Variants in KIAA0408 observed in about 807,000 individuals in gnomAD.
KIAA0408 encodes uncharacterized protein KIAA0408.
A neutral mutation model predicts 60.9 loss-of-function variants in KIAA0408; 51 were observed. The ratio of observed to expected loss-of-function variants is 0.84; its 90% CI spans 0.67 to 1.06. The LOEUF (loss-of-function observed/expected upper bound fraction) is 1.06, where lower values mean the gene tolerates loss of function less well. Among genes scored for constraint, KIAA0408 ranks in the 50% least tolerant of loss-of-function variants. KIAA0408 has a pLI of 0.00. For missense variants in KIAA0408, 787 were observed against 833.9 expected (o/e 0.94, Z 0.69); for synonymous variants, 304 against 282.4 (o/e 1.08, Z -0.77).
rs1773447649 is a variant in KIAA0408, at chr6:127,459,264, A to T, written c.-210T>A. ...GGATGGCTAGCTGTCTTAAAGAGAA[A>T]AGTCTCAGCTCGGTGAATCTCGATT... On this transcript the variant is annotated 5_prime_UTR_variant, in exon 1 of 6. Coordinates refer to ENST00000483725, the MANE Select transcript of KIAA0408 (RefSeq NM_014702.5). 1.3e-5 allele frequency: 2 copies of T among 152,262 alleles called. No homozygotes were observed. The highest frequency in any genetic ancestry group is 3.8e-4 in the East Asian group (2 of 5,202). The allele number at this position is 152,262 out of a possible 1,614,324, so 9.4% of individuals were successfully genotyped here.
Position 127,439,690 on chromosome 6 carries a change from A to G in KIAA0408, c.*4419T>C, listed in dbSNP as rs1465290410. On this transcript the variant is annotated 3_prime_UTR_variant, in exon 6 of 6. Coordinates refer to ENST00000483725, the MANE Select transcript of KIAA0408 (RefSeq NM_014702.5). ...GCCTGAGCTAGGAGTCTGAAGAGCCATCTATTTAACTATCATCTTCAAAAA... is the reference window on the plus strand; with the variant it reads ...GCCTGAGCTAGGAGTCTGAAGAGCCGTCTATTTAACTATCATCTTCAAAAA... The G allele has an allele frequency of 2.0e-5, 3 of 152,056 alleles. No homozygotes were observed. The highest frequency in any genetic ancestry group is 6.5e-5 in the Admixed American group (1 of 15,274). The allele number at this position is 152,056 out of a possible 1,614,324, so 9.4% of individuals were successfully genotyped here. A position where few individuals can be genotyped will look rare whatever the true frequency, so the allele number is the denominator to read the frequency against.
At position 127,443,075 on chromosome 6, in the gene KIAA0408, CTT is replaced by C. The variant is rs1773131443; in HGVS notation, c.*1032_*1033del. ...ATCTTCCTTGTTAGTAAAAAAGTAA[CTT>C]AGTTTGTTATCTATTAATTTTAAGG... On this transcript the variant is annotated 3_prime_UTR_variant, in exon 6 of 6. Coordinates refer to ENST00000483725, the MANE Select transcript of KIAA0408 (RefSeq NM_014702.5). The C allele has an allele frequency of 6.6e-6, 1 of 151,812 alleles. No individual in the cohort carries two copies. Among genetic ancestry groups the C allele is most frequent in the Non-Finnish European group, 1.5e-5 (1 of 67,948 alleles). 9.4% of individuals were successfully genotyped at this position (151,812 alleles called of 1,614,324 possible).
intron 4 of KIAA0408, among the ~76,000 whole-genome samples, chr6:127,448,399 A>T (rs1773241939): frequency 6.6e-6 from 1 of 152,180 alleles, no homozygotes; most frequent in Admixed American, 6.6e-5. Flanking sequence ...TGGGGAGGAT[A>T]ATGAAAAATG....
chr6:127,453,945 T>C lies in KIAA0408; in HGVS notation c.37A>G (p.Asn13Asp). The C allele has an allele frequency of 6.2e-7, 1 of 1,613,038 alleles. No individual in the cohort carries two copies. The highest frequency in any genetic ancestry group is 8.5e-7 in the Non-Finnish European group (1 of 1,179,242). ...LHKQWENTET[N>D]WHKEKMELLD... ...AATTCCATCTTTTCCTTATGCCAGT[T>C]AGTCTCTGTGTTCTCCCACTGCTTA... The change falls in exon 2 of 6, where the codon AAC (asparagine) becomes GAC (aspartate). Residue 13 changes from asparagine (N) to aspartate (D), a missense_variant. Transcript: ENST00000483725.
chr6:127,451,584 C>T (rs1773303617), intron 2 of KIAA0408, among the ~76,000 whole-genome samples: 1 of 152,048 alleles, frequency 6.6e-6, no homozygotes, highest in Admixed American at 6.6e-5. Flanking sequence ...AACAAAATTG[C>T]TTTAGTTGCA....
intron 2 of KIAA0408, among the ~76,000 whole-genome samples, chr6:127,452,169 T>C (rs1773312970): frequency 1.3e-5 from 2 of 152,182 alleles, no homozygotes; most frequent in Admixed American, 6.5e-5. Flanking sequence ...ACTGAAGATA[T>C]ATGTGCATAC....
chr6:127,457,169 A>G (rs940687312), intron 1 of KIAA0408, among the ~76,000 whole-genome samples: 2 of 152,208 alleles, frequency 1.3e-5, no homozygotes, highest in African/African-American at 4.8e-5. Flanking sequence ...GTTAATAAAA[A>G]TGTGAACAAA....
Position 127,449,878 on chromosome 6 carries a change from C to A in KIAA0408, c.522G>T (p.Val174=). 1 of 1,614,070 alleles carries A rather than the reference C, an allele frequency of 6.2e-7. No homozygotes were observed. Among genetic ancestry groups the A allele is most frequent in the Admixed American group, 1.7e-5 (1 of 60,010 alleles). ...LSTALEELAK[V]SEELCSFQEE... is the part of the protein sequence containing the mutation. ...CTTGAAAGCTGCATAATTCTTCACT[C>A]ACCTTCGCAAGTTCTTCAAGAGCCT... The change falls in exon 4 of 6, where the codon GTG becomes GTT. Residue 174 remains valine (V), a synonymous_variant. Coordinates refer to ENST00000483725, the MANE Select transcript of KIAA0408 (RefSeq NM_014702.5).
chr6:127,444,770 A>G (rs1158449518), intron 5 of KIAA0408, among the ~76,000 whole-genome samples: 1 of 151,824 alleles, frequency 6.6e-6, no homozygotes, highest in Non-Finnish European at 1.5e-5. Flanking sequence ...TTTTTTCACT[A>G]TCACTGGCAC....
chr6:127,443,615 A>C lies in KIAA0408; in HGVS notation c.*494T>G, dbSNP rs1773139931. Reference sequence around the variant, plus strand: ...AGTGGTCAATTAATATTTGTACTGCAAATGCCTTAAGTGGATACCTATTAA... The same window carrying C: ...AGTGGTCAATTAATATTTGTACTGCCAATGCCTTAAGTGGATACCTATTAA... On this transcript the variant is annotated 3_prime_UTR_variant, in exon 6 of 6. Transcript: ENST00000483725. The C allele has an allele frequency of 6.6e-6, 1 of 152,578 alleles. No homozygotes were observed. The highest frequency in any genetic ancestry group is 1.5e-5 in the Non-Finnish European group (1 of 68,280). 9.5% of individuals were successfully genotyped at this position (152,578 alleles called of 1,614,324 possible).
At chr6:127,456,391 A>G (rs1461246159) in intron 1 of KIAA0408, among the ~76,000 whole-genome samples, 1 of 152,140 alleles carries the variant, frequency 6.6e-6, no homozygotes, top group Non-Finnish European at 1.5e-5. Context: ...GAAAGATGCC[A>G]GGCCTTTCTC....
intron 1 of KIAA0408, among the ~76,000 whole-genome samples, chr6:127,456,962 CCTTTCTCCTCT>C (rs1465005549): frequency 6.6e-6 from 1 of 151,958 alleles, no homozygotes; most frequent in Non-Finnish European, 1.5e-5. Flanking sequence ...TCCCTCCTTC[CCTTTCTCCTCT>C]CTTTCTCCAT....
chr6:127,453,090 T>A (rs1471796758), intron 2 of KIAA0408, among the ~76,000 whole-genome samples: 1 of 152,078 alleles, frequency 6.6e-6, no homozygotes, highest in East Asian at 1.9e-4. Context: ...ACTTTGGTAA[T>A]GTGCATAAAA....
chr6:127,443,361 C>A lies in KIAA0408; in HGVS notation c.*748G>T, dbSNP rs1168278091. The A allele has an allele frequency of 6.6e-6, 1 of 152,128 alleles. No individual in the cohort carries two copies. The highest frequency in any genetic ancestry group is 1.5e-5 in the Non-Finnish European group (1 of 67,998). 9.4% of individuals were successfully genotyped at this position (152,128 alleles called of 1,614,324 possible). Reference sequence around the variant, plus strand: ...GATCAAATATTCAGTTAAAGCCATACTAGACTACCAAATAATATATAAAAC... The same window carrying A: ...GATCAAATATTCAGTTAAAGCCATAATAGACTACCAAATAATATATAAAAC... On this transcript the variant is annotated 3_prime_UTR_variant, in exon 6 of 6. Coordinates refer to ENST00000483725, the MANE Select transcript of KIAA0408 (RefSeq NM_014702.5).
intron 2 of KIAA0408, 192 bp from the exon 3 acceptor site, chr6:127,450,544 G>C: frequency 1.1e-6 from 1 of 881,318 alleles, no homozygotes; most frequent in Non-Finnish European, 1.6e-6. Flanking sequence ...GAAACATAAA[G>C]GCTACTTTTA....
chr6:127,446,466 G>C lies in KIAA0408; in HGVS notation c.1853C>G (p.Thr618Arg), dbSNP rs1484195575. 10 of 1,613,890 alleles carry C rather than the reference G, an allele frequency of 6.2e-6. No homozygotes were observed. Among genetic ancestry groups the C allele is most frequent in the South Asian group, 4.4e-5 (4 of 91,080 alleles). Residue 618 changes from threonine (T) to arginine (R), a missense_variant, in exon 5 of 6, where the codon ACA becomes AGA. Physicochemically the swap from Thr to Arg is moderately conservative, Grantham distance 71 (BLOSUM62 -1). Transcript: ENST00000483725. ...CACTTCCTGTCCCCCCCACACAGCT[G>C]TCTTTTGCTGAAACTGTTGTTCCAT... ...LQMEQQFQQK[T>R]AVWGGQEVKQ...
chr6:127,457,093 C>T (rs1773409374), intron 1 of KIAA0408, among the ~76,000 whole-genome samples: 1 of 152,068 alleles, frequency 6.6e-6, no homozygotes, highest in African/African-American at 2.4e-5. Context: ...TCTCCATGAT[C>T]TTCTTTTGCC....
intron 1 of KIAA0408, among the ~76,000 whole-genome samples, chr6:127,456,716 T>G (rs2114807610): frequency 6.6e-6 from 1 of 152,234 alleles, no homozygotes; most frequent in South Asian, 2.1e-4. Flanking sequence ...CATCTCAGTC[T>G]TGTCGTAAAT....
chr6:127,449,599 C>T (rs1773264232), intron 4 of KIAA0408, among the ~76,000 whole-genome samples: 2 of 152,078 alleles, frequency 1.3e-5, no homozygotes, highest in Non-Finnish European at 2.9e-5. Context: ...CTGCAGTGAG[C>T]CAAGATCATG....
Sources: allele counts gnomAD v4.1 joint callset (sites outside exome capture counted in the v4.1 genomes callset), GRCh38; gene constraint gnomAD v4.1.1; transcripts MANE v1.5; gene names NCBI Gene and HGNC (gene_info 2026-07-23, HGNC 2026-07-21).